Variants in DPF3 observed in about 807,000 individuals in gnomAD.
DPF3 encodes double PHD fingers 3, also known as zinc finger protein DPF3.
A neutral mutation model predicts 56.8 loss-of-function variants in DPF3; 18 were observed. That is an observed-to-expected ratio of 0.32 (90% CI 0.22 to 0.47). DPF3 has a LOEUF of 0.47. Among genes scored for constraint, DPF3 ranks in the 20% least tolerant of loss-of-function variants. The pLI is 1.00. For missense variants in DPF3, 403 were observed against 488.8 expected, an observed-to-expected ratio of 0.82 and a Z score of 1.65; for synonymous variants, 188 against 180.2, an observed-to-expected ratio of 1.04 and a Z score of -0.35.
At chr14:72,881,165 G>T (rs1218957153) in intron 1 of DPF3, among the ~76,000 whole-genome samples, 1 of 152,236 alleles carries the variant, frequency 6.6e-6, no homozygotes, top group Non-Finnish European at 1.5e-5. Flanking sequence ...GGGTGAGCAG[G>T]ATGATAGACC....
At chr14:72,744,158 C>A (rs964838012) in intron 3 of DPF3, among the ~76,000 whole-genome samples, 5 of 152,158 alleles carry the variant, frequency 3.3e-5, no homozygotes, top group Admixed American at 2.6e-4. Context: ...AATAAAGAAA[C>A]AGAAGAGGGA....
chr14:72,835,090 T>C (rs989816484), intron 1 of DPF3, among the ~76,000 whole-genome samples: 1 of 93,608 alleles, frequency 1.1e-5, no homozygotes, highest in Non-Finnish European at 2.1e-5. Flanking sequence ...GCAGAATTTC[T>C]TTTTTCTTTT....
intron 1 of DPF3, among the ~76,000 whole-genome samples, chr14:72,786,394 A>G (rs1167543537): frequency 6.6e-6 from 1 of 152,220 alleles, no homozygotes; most frequent in African/African-American, 2.4e-5. Context: ...GTTTATGGCA[A>G]GGGTCAACAA....
intron 1 of DPF3, among the ~76,000 whole-genome samples, chr14:72,883,230 G>A (rs895213177): frequency 2.0e-5 from 3 of 152,210 alleles, no homozygotes; most frequent in Non-Finnish European, 4.4e-5. Context: ...GGAAGCTGAG[G>A]TAAGAGGATC....
intron 6 of DPF3, among the ~76,000 whole-genome samples, chr14:72,699,312 A>G (rs1162165195): frequency 1.3e-5 from 2 of 151,928 alleles, no homozygotes; most frequent in African/African-American, 2.4e-5. Context: ...TTGAGGCCAG[A>G]AGTTCAACAC....
At chr14:72,680,305 TAA>T (rs1887106376) in intron 7 of DPF3, among the ~76,000 whole-genome samples, 2 of 152,164 alleles carry the variant, frequency 1.3e-5, no homozygotes, top group Non-Finnish European at 2.9e-5. Context: ...ATCCCAGGAA[TAA>T]AAAGTGTGGG....
chr14:72,767,115 G>A (rs1175262186), intron 2 of DPF3, among the ~76,000 whole-genome samples: 1 of 152,232 alleles, frequency 6.6e-6, no homozygotes, highest in Non-Finnish European at 1.5e-5. Flanking sequence ...AAGTAGAGAA[G>A]ATGGATTTCC....
intron 1 of DPF3, among the ~76,000 whole-genome samples, chr14:72,865,944 G>A (rs932197834): frequency 1.3e-5 from 2 of 152,170 alleles, no homozygotes; most frequent in African/African-American, 4.8e-5. Flanking sequence ...CTACTTGGGA[G>A]GCTGAGGCAG....
intron 3 of DPF3, among the ~76,000 whole-genome samples, chr14:72,745,079 C>T (rs1890271585): frequency 7.1e-6 from 1 of 141,592 alleles, no homozygotes; most frequent in South Asian, 2.5e-4. Context: ...AAAAGACAGG[C>T]ATCCTCAGGG....
At chr14:72,681,798 T>C (rs1887175304) in intron 7 of DPF3, among the ~76,000 whole-genome samples, 2 of 152,234 alleles carry the variant, frequency 1.3e-5, no homozygotes, top group African/African-American at 2.4e-5. Context: ...GTGCACCATG[T>C]CACCAGCTCT....
chr14:72,838,911 T>A (rs1213274956), intron 1 of DPF3, among the ~76,000 whole-genome samples: 724 of 8,394 alleles, frequency 0.086, 97 homozygotes, highest in East Asian at 0.36. Flanking sequence ...ATATATTCTT[T>A]TTTTTTTTTT....
rs1207165761 is a variant in DPF3 at position 72,609,783 on chromosome 14, T to C, written c.*9514A>G. The stretch of plus-strand genomic sequence containing the variant: ...TTTAGAGAAGCCAGGGTGGGCCAAA[T>C]GGAGATATTGTCTCAAGACCATTAC... On this transcript the variant is annotated 3_prime_UTR_variant, in exon 11 of 11. Transcript: ENST00000556509. 6.6e-6 allele frequency among the ~76,000 whole-genome samples: 1 copy of C among 152,032 alleles called. No homozygotes were observed. Among genetic ancestry groups the C allele is most frequent in the Non-Finnish European group, 1.5e-5 (1 of 67,990 alleles).
intron 1 of DPF3, among the ~76,000 whole-genome samples, chr14:72,773,326 G>A (rs964210069): frequency 6.6e-6 from 1 of 151,888 alleles, no homozygotes; most frequent in Non-Finnish European, 1.5e-5. Flanking sequence ...TAGAGACAGA[G>A]TTTCACTATA....
chr14:72,893,324 G>C (rs1886851094), intron 1 of DPF3, among the ~76,000 whole-genome samples: 1 of 152,146 alleles, frequency 6.6e-6, no homozygotes, highest in African/African-American at 2.4e-5. Context: ...GTTAACCCGA[G>C]TCGTTAATCC....
At position 72,733,435 on chromosome 14, in the gene DPF3, A is replaced by G. The variant is rs1313683365; in HGVS notation, c.302-1501T>C. On this transcript the variant is annotated intron_variant, in intron 3 of 10. Coordinates refer to ENST00000556509, the MANE Select transcript of DPF3 (RefSeq NM_001280542.3). ...GCAGGGGTGAGGGTGGAGAGGGGCC[A>G]TTACCGCTGCTGCTATTTTTGGAGG... 2.0e-5 allele frequency among the ~76,000 whole-genome samples: 3 copies of G among 152,088 alleles called. No homozygotes were observed. The East Asian group carries it at 5.8e-4, about 29-fold the overall frequency.
At chr14:72,888,677 CTA>C (rs772514429) in intron 1 of DPF3, among the ~76,000 whole-genome samples, 7 of 152,320 alleles carry the variant, frequency 4.6e-5, no homozygotes, top group Middle Eastern at 3.4e-3. Context: ...TATTTAAAGA[CTA>C]TTTAAAATTA....
At chr14:72,741,341 G>A (rs776465456) in intron 3 of DPF3, among the ~76,000 whole-genome samples, 4 of 152,342 alleles carry the variant, frequency 2.6e-5, no homozygotes, top group Non-Finnish European at 2.9e-5. Context: ...GGCAGGAGTG[G>A]TTAGGAAATT....
intron 8 of DPF3, among the ~76,000 whole-genome samples, chr14:72,665,027 C>T (rs1000481460): frequency 1.1e-4 from 17 of 152,060 alleles, no homozygotes; most frequent in African/African-American, 2.2e-4. Context: ...GCTTTTTGTT[C>T]GAATATTATC....
chr14:72,625,993 T>C (rs1383191170), intron 9 of DPF3, among the ~76,000 whole-genome samples: 1 of 152,226 alleles, frequency 6.6e-6, no homozygotes, highest in South Asian at 2.1e-4. Flanking sequence ...GTTATTTCTG[T>C]CCTTAGCTTT....
Sources: allele counts gnomAD v4.1 joint callset (sites outside exome capture counted in the v4.1 genomes callset), GRCh38; gene constraint gnomAD v4.1.1; transcripts MANE v1.5; gene names NCBI Gene and HGNC (gene_info 2026-07-23, HGNC 2026-07-21).